CRACD: variants seen among roughly 807,000 people sequenced by gnomAD.
CRACD encodes capping protein-inhibiting regulator of actin dynamics.
CRACD carries 56 observed loss-of-function variants against 106.8 expected under a neutral mutation model. That is an observed-to-expected ratio of 0.52 (90% CI 0.42 to 0.66). The LOEUF is 0.66. Among genes scored for constraint, CRACD ranks in the 30% least tolerant of loss-of-function variants. The probability of loss-of-function intolerance (pLI) is 0.00; values close to 1 mark genes in which losing one functional copy is unlikely to be tolerated. For synonymous variants in CRACD, 754 were observed against 670.8 expected, an observed-to-expected ratio of 1.12 and a Z score of -1.92; for missense variants, 1,730 against 1,623.2, an observed-to-expected ratio of 1.07 and a Z score of -1.13.
At chr4:56,049,366 C>G (rs1484100621) in intron 1 of CRACD, 67 bp downstream of exon 1, 1 of 151,928 alleles carries the variant, frequency 6.6e-6, no homozygotes, top group Non-Finnish European at 1.5e-5. Context: ...CTCTCCTCCA[C>G]TCGCGCCCCT....
At chr4:56,187,800 T>A (rs1018885459) in intron 2 of CRACD, among the ~76,000 whole-genome samples, 1 of 152,030 alleles carries the variant, frequency 6.6e-6, no homozygotes, top group East Asian at 1.9e-4. Context: ...CTCCGGACTC[T>A]AGGCTGACAA....
In CRACD at chr4:56,271,302, A is replaced by G. The variant is rs1395187711; in HGVS notation, c.-188-1019A>G. Among the ~76,000 whole-genome samples, 5 of 152,186 alleles carry G rather than the reference A, an allele frequency of 3.3e-5. No homozygotes were observed. In the East Asian group the frequency reaches 9.6e-4, roughly 29 times the overall value. ...CAAAGGCGGAGGACTGAAAGGTATTACCTAAAATACCTCCAACAAATGTTG... is the reference window on the plus strand; with the variant it reads ...CAAAGGCGGAGGACTGAAAGGTATTGCCTAAAATACCTCCAACAAATGTTG... On this transcript the variant is annotated intron_variant, in intron 2 of 10. Coordinates refer to ENST00000682029, the MANE Select transcript of CRACD (RefSeq NM_001393381.1).
chr4:56,156,415 C>A (rs1234279189), intron 1 of CRACD, among the ~76,000 whole-genome samples: 1 of 152,204 alleles, frequency 6.6e-6, no homozygotes, highest in South Asian at 2.1e-4. Context: ...GACTTTACCA[C>A]CCGCCAACCG....
intron 2 of CRACD, among the ~76,000 whole-genome samples, chr4:56,200,538 C>T (rs1290734430): frequency 6.6e-6 from 1 of 152,112 alleles, no homozygotes; most frequent in African/African-American, 2.4e-5. Flanking sequence ...CTTTAAGAAG[C>T]CACTTTCAAC....
chr4:56,074,593 C>T (rs59838410), intron 1 of CRACD, among the ~76,000 whole-genome samples: 33,608 of 152,038 alleles, frequency 0.22, 3,947 homozygotes, highest in African/African-American at 0.29. Flanking sequence ...GGGGCTGAGA[C>T]GATGGTGTTT....
intron 2 of CRACD, among the ~76,000 whole-genome samples, chr4:56,209,372 TAACA>T (rs931974446): frequency 1.3e-5 from 2 of 152,144 alleles, no homozygotes; most frequent in Non-Finnish European, 2.9e-5. Flanking sequence ...AATTTTTTTT[TAACA>T]AACATACATT....
In CRACD at chr4:56,308,692, G is replaced by A. The variant is rs996521332; in HGVS notation, c.285+993G>A. On this transcript the variant is annotated intron_variant, in intron 5 of 10. Transcript: ENST00000682029. ...ACATTCCTCCCCTGTTGCCCATTGT[G>A]ACACCTGGCACCCACGCATTGACAC... 8 of 955,148 alleles carry A rather than the reference G, an allele frequency of 8.4e-6. No individual in the cohort carries two copies. The African/African-American group carries it at 1.4e-4, about 17-fold the overall frequency. 59.2% of individuals were successfully genotyped at this position (955,148 alleles called of 1,614,324 possible).
At chr4:56,300,884 CTGA>C (rs1211533055) in intron 4 of CRACD, among the ~76,000 whole-genome samples, 2 of 152,152 alleles carry the variant, frequency 1.3e-5, no homozygotes, top group Non-Finnish European at 2.9e-5. Context: ...TTTAAATAAC[CTGA>C]TGTCATAATT....
intron 1 of CRACD, among the ~76,000 whole-genome samples, chr4:56,130,853 C>T (rs1484921680): frequency 6.6e-6 from 1 of 152,162 alleles, no homozygotes. Context: ...CCTCTTCCCA[C>T]TTCCCCTCTC....
chr4:56,140,824 C>T (rs1735169373), intron 1 of CRACD, among the ~76,000 whole-genome samples: 1 of 152,198 alleles, frequency 6.6e-6, no homozygotes, highest in South Asian at 2.1e-4. Context: ...ACATCCTGAG[C>T]TTTCTTGTCC....
At chr4:56,322,268 C>T (rs970108705) in intron 8 of CRACD, among the ~76,000 whole-genome samples, 3 of 152,092 alleles carry the variant, frequency 2.0e-5, no homozygotes, top group African/African-American at 4.8e-5. Context: ...TCATGGCAAC[C>T]CAATAAGACA....
chr4:56,049,257 G>T lies in CRACD; in HGVS notation c.-378G>T, dbSNP rs1731780521. 6.6e-6 allele frequency: 1 copy of T among 151,128 alleles called. No individual in the cohort carries two copies. The highest frequency in any genetic ancestry group is 6.6e-5 in the Admixed American group (1 of 15,156). 9.4% of individuals were successfully genotyped at this position (151,128 alleles called of 1,614,324 possible). A position where few individuals can be genotyped will look rare whatever the true frequency, so the allele number is the denominator to read the frequency against. ...CGCCCGCCCGGGACCGCCGGTCGCC[G>T]GCCAGCCGCTCTGCCAGCCGGAGCG... On this transcript the variant is annotated 5_prime_UTR_variant, in exon 1 of 11. Transcript: ENST00000682029.
chr4:56,171,064 GAAAC>G (rs1185268419), intron 1 of CRACD, among the ~76,000 whole-genome samples: 1 of 152,038 alleles, frequency 6.6e-6, no homozygotes, highest in Non-Finnish European at 1.5e-5. Flanking sequence ...TTCAAAGAAA[GAAAC>G]AAATAAGATT....
At chr4:56,200,308 A>G (rs1378480317) in intron 2 of CRACD, among the ~76,000 whole-genome samples, 2 of 152,182 alleles carry the variant, frequency 1.3e-5, no homozygotes, top group African/African-American at 4.8e-5. Context: ...ACACAATGAA[A>G]TCTTCACTAA....
intron 1 of CRACD, among the ~76,000 whole-genome samples, chr4:56,173,242 C>T (rs1736452625): frequency 6.6e-6 from 1 of 152,176 alleles, no homozygotes; most frequent in Non-Finnish European, 1.5e-5. Context: ...CACTGAGGAT[C>T]GCATTGCTCT....
At chr4:56,050,781 G>A (rs1041114363) in intron 1 of CRACD, among the ~76,000 whole-genome samples, 4 of 152,084 alleles carry the variant, frequency 2.6e-5, no homozygotes, top group African/African-American at 9.7e-5. Flanking sequence ...TTACTGGATC[G>A]CCCTTTCCAC....
At chr4:56,145,578 T>C (rs749006595) in intron 1 of CRACD, among the ~76,000 whole-genome samples, 15 of 152,264 alleles carry the variant, frequency 9.9e-5, no homozygotes, top group Non-Finnish European at 2.2e-4. Context: ...TCTAATTTAT[T>C]AATTTCTGCT....
chr4:56,204,969 C>T (rs1202357767), intron 2 of CRACD, among the ~76,000 whole-genome samples: 3 of 152,072 alleles, frequency 2.0e-5, no homozygotes, highest in African/African-American at 2.4e-5. Flanking sequence ...CCAGCCTGGG[C>T]AACATAGCAA....
chr4:56,260,698 T>C (rs510582), intron 2 of CRACD, among the ~76,000 whole-genome samples: 38,259 of 152,120 alleles, frequency 0.25, 4,986 homozygotes, highest in Non-Finnish European at 0.28. Context: ...GAGCAGAGGC[T>C]TTCCTGAGAG....
Sources: gnomAD v4.1 joint callset for allele counts (sites outside exome capture counted in the v4.1 genomes callset) on GRCh38, gnomAD v4.1.1 for gene constraint, MANE v1.5 for transcripts, NCBI Gene and HGNC (gene_info 2026-07-23, HGNC 2026-07-21) for gene names.